LRRC3B: variants seen among roughly 807,000 people sequenced by gnomAD.
The protein encoded by LRRC3B is leucine-rich repeat-containing protein 3B.
In LRRC3B, 2 loss-of-function variants were observed where a neutral mutation model predicts 12.8. The observed-to-expected ratio is 0.16, with a 90% CI of 0.06 to 0.49. The LOEUF (loss-of-function observed/expected upper bound fraction) is 0.49. Among genes scored for constraint, LRRC3B ranks in the 20% least tolerant of loss-of-function variants. LRRC3B has a pLI of 0.96. For synonymous variants in LRRC3B, 132 were observed against 122.0 expected (o/e 1.08, Z -0.54); for missense variants, 189 against 319.4 (o/e 0.59, Z 3.11).
At chr3:26,644,162 A>G (rs1699093635) in intron 1 of LRRC3B, among the ~76,000 whole-genome samples, 1 of 152,216 alleles carries the variant, frequency 6.6e-6, no homozygotes, top group African/African-American at 2.4e-5. Context: ...GACTTCAAGA[A>G]GAAGATTACA....
chr3:26,703,012 A>G (rs1050143710), intron 1 of LRRC3B, among the ~76,000 whole-genome samples: 1 of 152,146 alleles, frequency 6.6e-6, no homozygotes, highest in African/African-American at 2.4e-5. Flanking sequence ...ACTAAAGTCC[A>G]TGGCAGAACT....
At chr3:26,646,276 A>G (rs1699141665) in intron 1 of LRRC3B, among the ~76,000 whole-genome samples, 1 of 152,132 alleles carries the variant, frequency 6.6e-6, no homozygotes, top group Non-Finnish European at 1.5e-5. Flanking sequence ...ACCCCTCTGA[A>G]TTATTATCTG....
chr3:26,652,304 G>A (rs887728575), intron 1 of LRRC3B, among the ~76,000 whole-genome samples: 1 of 152,236 alleles, frequency 6.6e-6, no homozygotes, highest in African/African-American at 2.4e-5. Flanking sequence ...CTGCGAAGCA[G>A]AGCCCAACCC....
At chr3:26,657,751 C>T (rs6551128) in intron 1 of LRRC3B, among the ~76,000 whole-genome samples, 42,891 of 151,804 alleles carry the variant, frequency 0.28, 7,542 homozygotes, top group African/African-American at 0.48. Flanking sequence ...CTGCATTTGA[C>T]AGAGGGATGA....
At chr3:26,659,123 G>A (rs889963304) in intron 1 of LRRC3B, among the ~76,000 whole-genome samples, 5 of 152,214 alleles carry the variant, frequency 3.3e-5, no homozygotes, top group African/African-American at 7.2e-5. Flanking sequence ...ACAGCCATAT[G>A]TATGCTGCCA....
At chr3:26,678,874 C>T (rs187564373) in intron 1 of LRRC3B, among the ~76,000 whole-genome samples, 1 of 152,132 alleles carries the variant, frequency 6.6e-6, no homozygotes, top group East Asian at 1.9e-4. Context: ...AAGATGTGTA[C>T]CTTTTCTCTT....
chr3:26,684,938 CTTTATTTTAT>C (rs58072949), intron 1 of LRRC3B, among the ~76,000 whole-genome samples: 16,230 of 150,238 alleles, frequency 0.11, 1,075 homozygotes, highest in South Asian at 0.21. Context: ...ACACAGGTTT[CTTTATTTTAT>C]TTTATTTTAT....
chr3:26,650,559 T>A (rs914898557), intron 1 of LRRC3B, among the ~76,000 whole-genome samples: 6 of 152,148 alleles, frequency 3.9e-5, no homozygotes, highest in Non-Finnish European at 5.9e-5. Flanking sequence ...TTGAAAATAT[T>A]GTAAACCAAC....
chr3:26,690,482 C>T (rs766514326), intron 1 of LRRC3B, among the ~76,000 whole-genome samples: 5 of 152,134 alleles, frequency 3.3e-5, no homozygotes, highest in Non-Finnish European at 5.9e-5. Flanking sequence ...CTTACTGCAT[C>T]GTGCAGACAA....
chr3:26,679,081 G>A (rs1196131923), intron 1 of LRRC3B, among the ~76,000 whole-genome samples: 1 of 152,150 alleles, frequency 6.6e-6, no homozygotes, highest in Non-Finnish European at 1.5e-5. Context: ...AACCTAGACA[G>A]CTAGAACCAT....
chr3:26,622,967 C>T (rs1698545833), exon 1 of LRRC3B: 3 of 151,564 alleles, frequency 2.0e-5, no homozygotes, highest in African/African-American at 7.3e-5. Flanking sequence ...GGGCCGCACC[C>T]TCGCTCGGTG....
rs564780231 is a variant in LRRC3B, at chr3:26,709,506, C to T, written c.-160-7C>T. ...GAACTAATTGCATCTGTTTCTCTTT[C>T]CTTTAGGTGCCCAAGCAAGGAAAGA... On this transcript the variant is annotated splice_polypyrimidine_tract_variant and splice_region_variant and intron_variant, in intron 1 of 1. Coordinates refer to ENST00000396641, the Ensembl canonical transcript of LRRC3B. 3.4e-4 allele frequency: 226 copies of T among 669,634 alleles called. 1 individual carries two copies. Among genetic ancestry groups the T allele is most frequent in the South Asian group, 3.3e-3 (170 of 51,670 alleles). 41.5% of individuals were successfully genotyped at this position (669,634 alleles called of 1,614,324 possible). A position where few individuals can be genotyped will look rare whatever the true frequency, so the allele number is the denominator to read the frequency against.
intron 1 of LRRC3B, among the ~76,000 whole-genome samples, chr3:26,629,816 A>T (rs1698715089): frequency 6.6e-6 from 1 of 152,056 alleles, no homozygotes; most frequent in Non-Finnish European, 1.5e-5. Flanking sequence ...TGTACTGTGG[A>T]CTGTTGATAC....
At chr3:26,710,444 G>A (rs758512026) in exon 2 of LRRC3B, 8 of 1,586,846 alleles carry the variant, frequency 5.0e-6, no homozygotes, top group Non-Finnish European at 6.0e-6. Context: ...TATTAGCACT[G>A]TGGTATAGTG....
At chr3:26,672,174 A>AT (rs1559362170) in intron 1 of LRRC3B, among the ~76,000 whole-genome samples, 2 of 152,042 alleles carry the variant, frequency 1.3e-5, no homozygotes, top group South Asian at 2.1e-4. Context: ...AATAGTTTTG[A>AT]TTTTTTCAAA....
chr3:26,636,900 CT>C (rs1559350202), intron 1 of LRRC3B, among the ~76,000 whole-genome samples: 58 of 92,432 alleles, frequency 6.3e-4, no homozygotes, highest in Admixed American at 1.6e-3. Context: ...CTCTCTCTCT[CT>C]CTTTCTCTCT....
At position 26,664,291 on chromosome 3, in the gene LRRC3B, G is replaced by C. The variant is rs1419364273; in HGVS notation, c.-161+41054G>C. ...CCATTGCTTCTTCCAGGAGTTTTGG[G>C]TAACATTTTTTCCTACACTGTTGAG... On this transcript the variant is annotated intron_variant, in intron 1 of 1. Coordinates refer to ENST00000396641, the Ensembl canonical transcript of LRRC3B. Among the ~76,000 whole-genome samples, 2 of 152,000 alleles carry C rather than the reference G, an allele frequency of 1.3e-5. 1 individual carries two copies. Among genetic ancestry groups the C allele is most frequent in the Non-Finnish European group, 2.9e-5 (2 of 67,988 alleles).
At chr3:26,680,428 TCTC>T (rs1028487248) in intron 1 of LRRC3B, among the ~76,000 whole-genome samples, 93 of 152,330 alleles carry the variant, frequency 6.1e-4, no homozygotes, top group African/African-American at 1.9e-3. Context: ...TTACAGGATT[TCTC>T]CTATTTGAGG....
At chr3:26,704,458 A>C (rs1003799825) in intron 1 of LRRC3B, among the ~76,000 whole-genome samples, 1 of 152,174 alleles carries the variant, frequency 6.6e-6, no homozygotes, top group Non-Finnish European at 1.5e-5. Flanking sequence ...TTTTACTGAC[A>C]GTGAGATCAA....
Sources: gnomAD v4.1 joint callset for allele counts (sites outside exome capture counted in the v4.1 genomes callset) on GRCh38, gnomAD v4.1.1 for gene constraint, MANE v1.5 for transcripts, NCBI Gene and HGNC (gene_info 2026-07-23, HGNC 2026-07-21) for gene names.